The following DNAH11 variants were observed in gnomAD, a reference collection of about 807,000 sequenced individuals.
DNAH11 encodes the protein axonemal beta dynein heavy chain 11.
Under a neutral mutation model 526.0 loss-of-function variants are expected in DNAH11, and 442 were observed. The ratio of observed to expected loss-of-function variants is 0.84; its 90% CI spans 0.78 to 0.91. The LOEUF is 0.91. Among genes scored for constraint, DNAH11 ranks in the 40% least tolerant of loss-of-function variants. The probability of loss-of-function intolerance (pLI) is 0.00; values close to 1 mark genes in which losing one functional copy is unlikely to be tolerated. For synonymous variants in DNAH11, 2,461 were observed against 1,935.9 expected, an observed-to-expected ratio of 1.27 and a Z score of -7.12; for missense variants, 6,989 against 5,448.7, an observed-to-expected ratio of 1.28 and a Z score of -8.90.
In DNAH11 at chr7:21,561,377, C is replaced by A. The variant is rs1029845171; in HGVS notation, c.982+207C>A. 8 of 422,720 alleles carry A rather than the reference C, an allele frequency of 1.9e-5. No homozygotes were observed. The Admixed American group carries it at 2.2e-4, about 11-fold the overall frequency. The allele number at this position is 422,720 out of a possible 1,614,324, so 26.2% of individuals were successfully genotyped here. A position where few individuals can be genotyped will look rare whatever the true frequency, so the allele number is the denominator to read the frequency against. ...TAGTTTATCTGGTATATAGTAGTAC[C>A]TGCCAAAATGGCTCCAGATTGAAAT... On this transcript the variant is annotated intron_variant, in intron 5 of 81. Coordinates refer to ENST00000409508, the MANE Select transcript of DNAH11 (RefSeq NM_001277115.2).
At chr7:21,887,022 A>G (rs1784148398) in intron 76 of DNAH11, among the ~76,000 whole-genome samples, 1 of 152,228 alleles carries the variant, frequency 6.6e-6, no homozygotes, top group Non-Finnish European at 1.5e-5. Flanking sequence ...TATGCTGTTT[A>G]TATGATTAGC....
At chr7:21,700,520 G>A (rs1371908122) in intron 36 of DNAH11, among the ~76,000 whole-genome samples, 3 of 152,126 alleles carry the variant, frequency 2.0e-5, no homozygotes, top group African/African-American at 7.2e-5. Context: ...TCCTTTTATT[G>A]TTACTGCAAT....
intron 65 of DNAH11, among the ~76,000 whole-genome samples, chr7:21,839,448 G>A (rs986306968): frequency 3.3e-5 from 5 of 151,734 alleles, no homozygotes; most frequent in Non-Finnish European, 5.9e-5. Flanking sequence ...GGTGGTGGGC[G>A]CCTGTAGTCC....
chr7:21,711,599 C>T (rs1051155105), intron 41 of DNAH11, 113 bp from the exon 42 acceptor site: 1 of 1,424,954 alleles, frequency 7.0e-7, no homozygotes, highest in African/African-American at 1.4e-5. Flanking sequence ...ACTTCTGATT[C>T]AGGAGAGTGA....
At chr7:21,821,471 G>C (rs1004168488) in intron 65 of DNAH11, among the ~76,000 whole-genome samples, 2 of 152,142 alleles carry the variant, frequency 1.3e-5, no homozygotes, top group Non-Finnish European at 2.9e-5. Context: ...TGAGAAAAAT[G>C]GGGACCCAGA....
intron 35 of DNAH11, among the ~76,000 whole-genome samples, chr7:21,693,941 G>C (rs1274543576): frequency 2.0e-5 from 3 of 152,186 alleles, no homozygotes; most frequent in African/African-American, 7.2e-5. Flanking sequence ...GGTGGACCAG[G>C]AGAGAGAACA....
Position 21,606,722 on chromosome 7 carries a change from G to C in DNAH11, c.3841G>C (p.Ala1281Pro). ...LGFNAENPYT[A>P]LDKANEELEA... ...ATTTAATGCAGAAAATCCATACACA[G>C]CGCTTGATAAGGTAATACAGATCTC... The change falls in exon 20 of 82, where the codon GCG (alanine) becomes CCG (proline). Residue 1281 changes from alanine to proline, a missense_variant. Coordinates refer to ENST00000409508, the MANE Select transcript of DNAH11 (RefSeq NM_001277115.2). 4 of 1,605,288 alleles carry C rather than the reference G, an allele frequency of 2.5e-6. No individual in the cohort carries two copies. The highest frequency in any genetic ancestry group is 3.4e-6 in the Non-Finnish European group (4 of 1,177,320).
chr7:21,712,474 C>T (rs1270297504), intron 42 of DNAH11, among the ~76,000 whole-genome samples: 1 of 152,122 alleles, frequency 6.6e-6, no homozygotes, highest in Non-Finnish European at 1.5e-5. Flanking sequence ...CAGCTGCTAC[C>T]CATTTATATT....
chr7:21,640,630 C>T (rs766686759), intron 28 of DNAH11, among the ~76,000 whole-genome samples: 17 of 152,092 alleles, frequency 1.1e-4, no homozygotes, highest in Non-Finnish European at 2.4e-4. Flanking sequence ...TGACTAATCT[C>T]ACATGTGCCC....
At chr7:21,850,910 G>A (rs758474442) in intron 66 of DNAH11, among the ~76,000 whole-genome samples, 1 of 152,126 alleles carries the variant, frequency 6.6e-6, no homozygotes, top group South Asian at 2.1e-4. Flanking sequence ...TTATACTGGA[G>A]TCTGTCAATG....
chr7:21,856,575 ACTC>A (rs1433543561), intron 68 of DNAH11, among the ~76,000 whole-genome samples: 1 of 152,150 alleles, frequency 6.6e-6, no homozygotes, highest in Non-Finnish European at 1.5e-5. Context: ...TTGTTGGTAA[ACTC>A]CTCCAGAAAA....
rs369795471 is a variant in DNAH11 at position 21,708,331 on chromosome 7, C to T, written c.6683+496C>T. Among the ~76,000 whole-genome samples, 28 of 152,294 alleles carry T rather than the reference C, an allele frequency of 1.8e-4. No individual in the cohort carries two copies. In the East Asian group the frequency reaches 4.1e-3, roughly 22 times the overall value. On this transcript the variant is annotated intron_variant, in intron 40 of 81. Transcript: ENST00000409508. ...CCTTGAGGCCTCTCTCCCTCTTATA[C>T]CCTACATCCAACCTCACAGCGAATC...
At chr7:21,711,560 G>C (rs1369993639) in intron 41 of DNAH11, among the ~76,000 whole-genome samples, 152 bp from the exon 42 acceptor site, 1 of 152,170 alleles carries the variant, frequency 6.6e-6, no homozygotes, top group Non-Finnish European at 1.5e-5. Context: ...GTCATCTCAG[G>C]GGTGAGCTTA....
At chr7:21,871,221 C>A (rs1227564807) in intron 73 of DNAH11, among the ~76,000 whole-genome samples, 2 of 152,184 alleles carry the variant, frequency 1.3e-5, no homozygotes, top group African/African-American at 2.4e-5. Context: ...ATCTCACATG[C>A]ACACCAGAAG....
At chr7:21,674,307 T>C (rs1266689711) in intron 30 of DNAH11, among the ~76,000 whole-genome samples, 1 of 152,110 alleles carries the variant, frequency 6.6e-6, no homozygotes, top group East Asian at 1.9e-4. Flanking sequence ...CCACCCACCC[T>C]GGCCTCCCAA....
At chr7:21,778,925 C>A in intron 56 of DNAH11, 33 bp from the exon 57 acceptor site, 1 of 1,605,294 alleles carries the variant, frequency 6.2e-7, no homozygotes, top group Non-Finnish European at 8.5e-7. Flanking sequence ...GTGAACAAGG[C>A]CAGTGACGTA....
intron 25 of DNAH11, among the ~76,000 whole-genome samples, chr7:21,628,178 A>G (rs1272257572): frequency 5.3e-5 from 8 of 151,090 alleles, no homozygotes; most frequent in Admixed American, 1.3e-4. Flanking sequence ...CAGTTCTAAC[A>G]GTTTTTTTTT....
intron 30 of DNAH11, among the ~76,000 whole-genome samples, chr7:21,663,030 C>G (rs945530038): frequency 5.9e-5 from 9 of 152,064 alleles, no homozygotes; most frequent in Admixed American, 2.0e-4. Context: ...CACTCAATAT[C>G]CATGTGTACA....
chr7:21,693,656 T>C (rs1364016360), intron 35 of DNAH11, among the ~76,000 whole-genome samples: 5 of 152,238 alleles, frequency 3.3e-5, no homozygotes, highest in Non-Finnish European at 5.9e-5. Context: ...AGGGATTTTC[T>C]GATTTTTAAT....
Sources: gnomAD v4.1 joint callset for allele counts (sites outside exome capture counted in the v4.1 genomes callset) on GRCh38, gnomAD v4.1.1 for gene constraint, MANE v1.5 for transcripts, NCBI Gene and HGNC (gene_info 2026-07-23, HGNC 2026-07-21) for gene names.